Variants in CTRC observed in about 807,000 individuals in gnomAD.
CTRC encodes the protein chymotrypsin-C.
A neutral mutation model predicts 35.7 loss-of-function variants in CTRC; 32 were observed. The ratio of observed to expected loss-of-function variants is 0.90; its 90% CI spans 0.68 to 1.20. CTRC has a LOEUF of 1.20. Ranked by LOEUF, CTRC falls within the 50% of genes most tolerant of loss-of-function variation. The pLI, the probability that CTRC is intolerant of heterozygous loss-of-function variation, is 0.00. For synonymous variants in CTRC, 119 were observed against 149.5 expected (o/e 0.80, Z 1.49); for missense variants, 324 against 361.5 (o/e 0.90, Z 0.84).
At position 15,447,040 on chromosome 1, in the gene CTRC, A is replaced by C; in HGVS notation, c.*451A>C. Reference sequence around the variant, plus strand: ...AGCCCCCCAGCAGCAGGTGGAAGACAGGGTCTCCCCAAAAGCAGCGTCCCC... The same window carrying C: ...AGCCCCCCAGCAGCAGGTGGAAGACCGGGTCTCCCCAAAAGCAGCGTCCCC... On this transcript the variant is annotated 3_prime_UTR_variant, in exon 8 of 8. Coordinates refer to ENST00000375949, the MANE Select transcript of CTRC (RefSeq NM_007272.3). The C allele has an allele frequency of 3.1e-6, 1 of 318,722 alleles. No individual in the cohort carries two copies. The highest frequency in any genetic ancestry group is 2.2e-5 in the African/African-American group (1 of 46,292). 19.7% of individuals were successfully genotyped at this position (318,722 alleles called of 1,614,324 possible).
At chr1:15,442,688 G>C in intron 4 of CTRC, 116 bp downstream of exon 4, 4 of 1,443,444 alleles carry the variant, frequency 2.8e-6, no homozygotes, top group Non-Finnish European at 2.9e-6. Context: ...CCTCACCCTG[G>C]AAAGCCAGCA....
At chr1:15,442,665 C>T (rs528597645) in intron 4 of CTRC, 93 bp downstream of exon 4, 62 of 1,538,302 alleles carry the variant, frequency 4.0e-5, no homozygotes, top group Non-Finnish European at 5.0e-5. Flanking sequence ...GCACCCCATA[C>T]CTGACACCCC....
chr1:15,447,035 AAGAC>A lies in CTRC; in HGVS notation c.*449_*452del, dbSNP rs1247318925. 1 of 319,812 alleles carries A rather than the reference AAGAC, an allele frequency of 3.1e-6. No individual in the cohort carries two copies. Among genetic ancestry groups the A allele is most frequent in the African/African-American group, 2.2e-5 (1 of 46,308 alleles). 19.8% of individuals were successfully genotyped at this position (319,812 alleles called of 1,614,324 possible). A position where few individuals can be genotyped will look rare whatever the true frequency, so the allele number is the denominator to read the frequency against. On this transcript the variant is annotated 3_prime_UTR_variant, in exon 8 of 8. Coordinates refer to ENST00000375949, the MANE Select transcript of CTRC (RefSeq NM_007272.3). ...CTCACAGCCCCCCAGCAGCAGGTGG[AAGAC>A]AGGGTCTCCCCAAAAGCAGCGTCCC... is the stretch of plus-strand genomic sequence containing the variant.
Position 15,442,331 on chromosome 1 carries a change from A to G in CTRC, c.231-116A>G, listed in dbSNP as rs1570783338. 4 of 1,343,272 alleles carry G rather than the reference A, an allele frequency of 3.0e-6. No homozygotes were observed. The East Asian group carries it at 7.6e-5, about 26-fold the overall frequency. The allele number at this position is 1,343,272 out of a possible 1,614,324, so 83.2% of individuals were successfully genotyped here. A position where few individuals can be genotyped will look rare whatever the true frequency, so the allele number is the denominator to read the frequency against. On this transcript the variant is annotated intron_variant, in intron 3 of 7. Coordinates refer to ENST00000375949, the MANE Select transcript of CTRC (RefSeq NM_007272.3). ...CTTCCCCTCACCCTGGGAAAGGACAATGGGAACACTCTCTTCCCCCAAAAT... is the reference window on the plus strand; with the variant it reads ...CTTCCCCTCACCCTGGGAAAGGACAGTGGGAACACTCTCTTCCCCCAAAAT...
chr1:15,438,559 A>G, intron 1 of CTRC, 55 bp downstream of exon 1: 1 of 1,604,926 alleles, frequency 6.2e-7, no homozygotes, highest in South Asian at 1.1e-5. Flanking sequence ...GCTGGCCTCC[A>G]GGGCAAGGAC....
At chr1:15,443,349 G>T in intron 4 of CTRC, 70 bp from the exon 5 acceptor site, 3 of 1,601,046 alleles carry the variant, frequency 1.9e-6, no homozygotes, top group Non-Finnish European at 2.6e-6. Context: ...CTCACAGCCC[G>T]AGCCCCTTAG....
At chr1:15,439,742 G>A (rs1182273514) in intron 1 of CTRC, among the ~76,000 whole-genome samples, 1 of 152,052 alleles carries the variant, frequency 6.6e-6, no homozygotes, top group African/African-American at 2.4e-5. Context: ...GTTTTGTTTT[G>A]TTTTGTTTTG....
intron 5 of CTRC, among the ~76,000 whole-genome samples, chr1:15,444,057 A>G (rs930697562): frequency 6.6e-6 from 1 of 152,078 alleles, no homozygotes; most frequent in Non-Finnish European, 1.5e-5. Context: ...GTTCAAGACC[A>G]GCCTGGGCAA....
rs985947499 is a variant in CTRC at position 15,439,660 on chromosome 1, C to T, written c.41-640C>T. ...TGGATTTACTGCTCTCTCACACACA[C>T]ACCATGATGCAGGGGCCTAAAAACA... On this transcript the variant is annotated intron_variant, in intron 1 of 7. Coordinates refer to ENST00000375949, the MANE Select transcript of CTRC (RefSeq NM_007272.3). Among the ~76,000 whole-genome samples the T allele has an allele frequency of 3.3e-5, 5 of 152,294 alleles. No homozygotes were observed. The East Asian group carries it at 5.8e-4, about 18-fold the overall frequency.
chr1:15,444,280 AAT>A lies in CTRC; in HGVS notation c.494-324_494-323del, dbSNP rs758887851. Among the ~76,000 whole-genome samples the A allele has an allele frequency of 9.2e-5, 14 of 152,058 alleles. 1 individual carries two copies. Among genetic ancestry groups the A allele is most frequent in the Non-Finnish European group, 1.9e-4 (13 of 68,004 alleles). ...TGTATCAAAAAAAAAAAGAAAGAGA[AAT>A]AGAAAATCTTGGGGGTGAGAAAGGC... On this transcript the variant is annotated intron_variant, in intron 5 of 7. Transcript: ENST00000375949.
chr1:15,438,613 T>G (rs1034815526), intron 1 of CTRC, 109 bp downstream of exon 1: 17 of 1,286,868 alleles, frequency 1.3e-5, no homozygotes, highest in Admixed American at 1.7e-5. Context: ...GTAAGACACT[T>G]TGGGGTCCCC....
chr1:15,440,627 C>A, intron 3 of CTRC, 37 bp downstream of exon 3: 1 of 1,595,008 alleles, frequency 6.3e-7, no homozygotes. Context: ...TGGCCATCGT[C>A]CGGGGGCGGA....
chr1:15,440,226 G>GGCCCCCCCCCCCCCCCCCC, intron 1 of CTRC, 74 bp from the exon 2 acceptor site: 1 of 523,578 alleles, frequency 1.9e-6, no homozygotes, highest in Non-Finnish European at 3.7e-6. Flanking sequence ...TCTTCCACCT[G>GGCCCCCCCCCCCCCCCCCC]CCCACCCTCC....
At chr1:15,443,370 T>C in intron 4 of CTRC, 49 bp from the exon 5 acceptor site, 1 of 1,613,350 alleles carries the variant, frequency 6.2e-7, no homozygotes, top group Non-Finnish European at 8.5e-7. Flanking sequence ...CCTGAGCTTG[T>C]GGGGCCAGGG....
rs1570786781 is a variant in CTRC, at chr1:15,445,722, G to A, written c.765G>A (p.Val255=). 6.2e-7 allele frequency: 1 copy of A among 1,614,184 alleles called. No homozygotes were observed. Among genetic ancestry groups the A allele is most frequent in the Non-Finnish European group, 8.5e-7 (1 of 1,180,038 alleles). The change falls in exon 7 of 8, where the codon GTG becomes GTA. Residue 255 remains valine (V), a synonymous_variant. Coordinates refer to ENST00000375949, the MANE Select transcript of CTRC (RefSeq NM_007272.3). ...TRKKPVVYTR[V]SAYIDWINEK... is the part of the protein sequence containing the mutation. The stretch of plus-strand genomic sequence containing the variant: ...AGAAGCCGGTAGTCTACACCCGGGT[G>A]TCCGCCTACATCGACTGGATCAACG...
intron 1 of CTRC, among the ~76,000 whole-genome samples, chr1:15,438,894 C>T (rs1468394648): frequency 1.3e-5 from 2 of 152,150 alleles, no homozygotes; most frequent in Non-Finnish European, 2.9e-5. Context: ...AGATTAGGAG[C>T]CCAGGGACTT....
At chr1:15,442,935 G>C (rs1476962559) in intron 4 of CTRC, among the ~76,000 whole-genome samples, 1 of 152,182 alleles carries the variant, frequency 6.6e-6, no homozygotes, top group African/African-American at 2.4e-5. Flanking sequence ...AAAGAACCAA[G>C]GCTCAGAGAG....
chr1:15,447,011 T>C lies in CTRC; in HGVS notation c.*422T>C. 1 of 322,574 alleles carries C rather than the reference T, an allele frequency of 3.1e-6. No individual in the cohort carries two copies. The highest frequency in any genetic ancestry group is 6.1e-6 in the Non-Finnish European group (1 of 165,272). The allele number at this position is 322,574 out of a possible 1,614,324, so 20.0% of individuals were successfully genotyped here. On this transcript the variant is annotated 3_prime_UTR_variant, in exon 8 of 8. Coordinates refer to ENST00000375949, the MANE Select transcript of CTRC (RefSeq NM_007272.3). ...CTCCACCGAGGGGCCTGGCAGGTCC[T>C]CACAGCCCCCCAGCAGCAGGTGGAA...
intron 4 of CTRC, 83 bp downstream of exon 4, chr1:15,442,655 G>A (rs1423272171): frequency 2.3e-5 from 36 of 1,577,602 alleles, no homozygotes; most frequent in East Asian, 4.5e-5. Context: ...AGAGCCTGTC[G>A]CACCCCATAC....
Sources: gnomAD v4.1 joint callset for allele counts (sites outside exome capture counted in the v4.1 genomes callset) on GRCh38, gnomAD v4.1.1 for gene constraint, MANE v1.5 for transcripts, NCBI Gene and HGNC (gene_info 2026-07-23, HGNC 2026-07-21) for gene names.